Variants in ZNF395 observed in about 807,000 individuals in gnomAD.
The protein encoded by ZNF395 is HD gene regulatory region-binding protein 2.
Under a neutral mutation model 57.7 loss-of-function variants are expected in ZNF395, and 20 were observed. That is an observed-to-expected ratio of 0.35 (90% CI 0.24 to 0.50). The LOEUF (loss-of-function observed/expected upper bound fraction) is 0.50. ZNF395 is among the 20% of genes least tolerant of loss of function. ZNF395 has a pLI of 0.97. For missense variants in ZNF395, 606 were observed against 671.2 expected, an observed-to-expected ratio of 0.90 and a Z score of 1.07; for synonymous variants, 295 against 275.9, an observed-to-expected ratio of 1.07 and a Z score of -0.69.
intron 1 of ZNF395, among the ~76,000 whole-genome samples, chr8:28,371,962 T>C (rs1340056058): frequency 6.6e-6 from 1 of 152,030 alleles, no homozygotes; most frequent in Non-Finnish European, 1.5e-5. Context: ...GGTATGAGAA[T>C]TGCTTGTACC....
chr8:28,367,665 T>C (rs910367931), intron 1 of ZNF395, among the ~76,000 whole-genome samples: 14 of 152,088 alleles, frequency 9.2e-5, no homozygotes, highest in African/African-American at 3.4e-4. Flanking sequence ...CTCTCTGGAG[T>C]TCACACTACC....
Position 28,356,893 on chromosome 8 carries a change from G to T in ZNF395, c.474-114C>A, listed in dbSNP as rs1442127894. 3 of 791,414 alleles carry T rather than the reference G, an allele frequency of 3.8e-6. No homozygotes were observed. The African/African-American group carries it at 5.2e-5, about 14-fold the overall frequency. 49.0% of individuals were successfully genotyped at this position (791,414 alleles called of 1,614,324 possible). On this transcript the variant is annotated intron_variant, in intron 3 of 9. Coordinates refer to ENST00000344423, the MANE Select transcript of ZNF395 (RefSeq NM_018660.3). The surrounding 1 kb of genome is among the most constrained non-coding windows in gnomAD (Gnocchi z 4.0). ...TTCACACAATCATCTTACACTTCTG[G>T]ACTGTCCCCTCCAAGTGCCCCCAAC...
At chr8:28,349,365 C>T (rs1199691441) in intron 8 of ZNF395, 137 bp from the exon 9 acceptor site, 3 of 551,338 alleles carry the variant, frequency 5.4e-6, no homozygotes, top group Non-Finnish European at 8.9e-6. Flanking sequence ...ACACTCCAGC[C>T]GAGGGGAGCT....
chr8:28,365,988 G>A (rs1196963298), intron 1 of ZNF395, among the ~76,000 whole-genome samples: 4 of 152,194 alleles, frequency 2.6e-5, no homozygotes, highest in Non-Finnish European at 4.4e-5. Flanking sequence ...CACGCACGGT[G>A]GCTGTGCTCT....
intron 3 of ZNF395, among the ~76,000 whole-genome samples, chr8:28,357,580 T>A (rs1801796120): frequency 6.6e-6 from 1 of 152,252 alleles, no homozygotes; most frequent in Non-Finnish European, 1.5e-5. Flanking sequence ...AATTTATTCC[T>A]TACAATTCAG....
chr8:28,377,410 T>A (rs551745468), intron 1 of ZNF395, among the ~76,000 whole-genome samples: 146 of 152,050 alleles, frequency 9.6e-4, no homozygotes, highest in South Asian at 3.3e-3. Context: ...CTCAAAAAAA[T>A]TTTTTTTAAT....
chr8:28,360,094 G>C (rs2129958532), intron 2 of ZNF395, among the ~76,000 whole-genome samples: 1 of 152,344 alleles, frequency 6.6e-6, no homozygotes, highest in Admixed American at 6.5e-5. Context: ...TCTGAATCTA[G>C]AATCTGTGCT....
intron 3 of ZNF395, among the ~76,000 whole-genome samples, chr8:28,357,326 A>G (rs548705026): frequency 2.0e-5 from 3 of 152,348 alleles, no homozygotes; most frequent in African/African-American, 7.2e-5. Flanking sequence ...CTGAATGTCA[A>G]CAGAACCTAC....
At chr8:28,374,482 A>T (rs923121364) in intron 1 of ZNF395, among the ~76,000 whole-genome samples, 4 of 151,276 alleles carry the variant, frequency 2.6e-5, no homozygotes, top group Non-Finnish European at 4.4e-5. Context: ...TTTTTTTTTT[A>T]AAAAGAAAAG....
Position 28,348,079 on chromosome 8 carries a change from T to TG in ZNF395, c.*639dup, listed in dbSNP as rs1801629612. On this transcript the variant is annotated 3_prime_UTR_variant, in exon 10 of 10. Transcript: ENST00000344423. ...TAAGAAGAAGCCATTTAATATTTGT[T>TG]GGGGTGCAACCCAATGTCTGAGGGA... The TG allele has an allele frequency of 6.6e-6, 1 of 152,314 alleles. No homozygotes were observed. The highest frequency in any genetic ancestry group is 1.9e-4 in the East Asian group (1 of 5,188). The allele number at this position is 152,314 out of a possible 1,614,324, so 9.4% of individuals were successfully genotyped here.
rs1207054759 is a variant in ZNF395 at position 28,359,290 on chromosome 8, T to A, written c.473+302A>T. Among the ~76,000 whole-genome samples, 1 of 152,066 alleles carries A rather than the reference T, an allele frequency of 6.6e-6. No homozygotes were observed. Among genetic ancestry groups the A allele is most frequent in the Non-Finnish European group, 1.5e-5 (1 of 68,014 alleles). On this transcript the variant is annotated intron_variant, in intron 3 of 9. Coordinates refer to ENST00000344423, the MANE Select transcript of ZNF395 (RefSeq NM_018660.3). This position sits in a 1 kb window ranked among gnomAD's most constrained non-coding sequence, Gnocchi z 4.7. ...GGTGGTGCACGCCTGTAATCCCAGT[T>A]ACTCGGGAGGCTGAAGTGGAAGAAT...
Position 28,347,265 on chromosome 8 carries a change from C to T in ZNF395, c.*1454G>A, listed in dbSNP as rs1292030475. The T allele has an allele frequency of 6.6e-6, 1 of 152,262 alleles. No individual in the cohort carries two copies. The highest frequency in any genetic ancestry group is 1.5e-5 in the Non-Finnish European group (1 of 68,110). The allele number at this position is 152,262 out of a possible 1,614,324, so 9.4% of individuals were successfully genotyped here. ...AGGTGGCTGGGTAGGATTCCCTGAG[C>T]CCCTGACAGCTGGGACATAGGGCCA... On this transcript the variant is annotated 3_prime_UTR_variant, in exon 10 of 10. Transcript: ENST00000344423.
rs1801716624 is a variant in ZNF395 at position 28,351,816 on chromosome 8, G to C, written c.921-9C>G. The C allele has an allele frequency of 1.3e-6, 2 of 1,534,814 alleles. No individual in the cohort carries two copies. The highest frequency in any genetic ancestry group is 2.7e-5 in the African/African-American group (2 of 73,708). On this transcript the variant is annotated splice_polypyrimidine_tract_variant and intron_variant, in intron 6 of 9. Coordinates refer to ENST00000344423, the MANE Select transcript of ZNF395 (RefSeq NM_018660.3). The stretch of plus-strand genomic sequence containing the variant: ...CAGAGTCCACTGTGTCCCTGTGTGG[G>C]AGGGAGATGCGGTATAATCAGGGGC...
rs1801729812 is a variant in ZNF395 at position 28,352,600 on chromosome 8, T to C, written c.893A>G (p.Lys298Arg). The C allele has an allele frequency of 6.2e-7, 1 of 1,614,170 alleles. No homozygotes were observed. Among genetic ancestry groups the C allele is most frequent in the Non-Finnish European group, 8.5e-7 (1 of 1,180,036 alleles). Residue 298 changes from lysine (K) to arginine (R), a missense_variant, in exon 6 of 10, where the codon AAA becomes AGA. Around this residue, in one of 3 missense-constraint regions of ZNF395, gnomAD observed 261 missense variants for 240.3 expected, o/e 1.09. Transcript: ENST00000344423. This position sits in a 1 kb window ranked among gnomAD's most constrained non-coding sequence, Gnocchi z 4.0. ...CAGATGGAGGGCTTTGACGTGTCGT[T>C]TGATGCCCACAATGGAGCGCAGAAC... is the stretch of plus-strand genomic sequence containing the variant. Reference protein sequence around the residue: ...GKVLRSIVGIKRHVKALHLGD... With the variant: ...GKVLRSIVGIRRHVKALHLGD...
At chr8:28,367,198 T>C (rs1048056702) in intron 1 of ZNF395, among the ~76,000 whole-genome samples, 1 of 152,116 alleles carries the variant, frequency 6.6e-6, no homozygotes, top group African/African-American at 2.4e-5. Flanking sequence ...AGACTACCAG[T>C]AAAATTAAAA....
chr8:28,384,634 A>T (rs1276602008), intron 1 of ZNF395, among the ~76,000 whole-genome samples: 1 of 151,782 alleles, frequency 6.6e-6, no homozygotes, highest in Non-Finnish European at 1.5e-5. Flanking sequence ...CCTCTGCTCC[A>T]CTTTGTAAAT....
At chr8:28,380,562 T>G (rs998680600) in intron 1 of ZNF395, among the ~76,000 whole-genome samples, 1 of 152,176 alleles carries the variant, frequency 6.6e-6, no homozygotes, top group African/African-American at 2.4e-5. Context: ...TGCCAATAAT[T>G]AACAGTTTCA....
In ZNF395 at chr8:28,352,647, G is replaced by A. The variant is rs1335600014; in HGVS notation, c.846C>T (p.Cys282=). 6.2e-7 allele frequency: 1 copy of A among 1,614,178 alleles called. No individual in the cohort carries two copies. Residue 282 remains cysteine, a synonymous_variant, in exon 6 of 10, where the codon TGC becomes TGT. Transcript: ENST00000344423. The surrounding 1 kb of genome is among the most constrained non-coding windows in gnomAD (Gnocchi z 4.0). ...RKNSVKVMYK[C]LWPNCGKVLR... The stretch of plus-strand genomic sequence containing the variant: ...GAACTTTGCCACAGTTTGGCCACAG[G>A]CACTTGTACATCACCTTCACAGAGT...
At chr8:28,382,291 T>C (rs1045686008) in intron 1 of ZNF395, among the ~76,000 whole-genome samples, 1 of 152,170 alleles carries the variant, frequency 6.6e-6, no homozygotes. Flanking sequence ...TAAACACCTT[T>C]ATGTAGTCCA....
Sources: allele counts gnomAD v4.1 joint callset (sites outside exome capture counted in the v4.1 genomes callset), GRCh38; gene constraint gnomAD v4.1.1; regional missense constraint gnomAD v4.1.1; non-coding constraint Gnocchi (gnomAD v3.1); transcripts MANE v1.5; gene names NCBI Gene and HGNC (gene_info 2026-07-23, HGNC 2026-07-21).